Variants in SPAG16 observed in about 807,000 individuals in gnomAD.
The protein encoded by SPAG16 is sperm associated antigen 16, also known as sperm-associated antigen 16 protein.
SPAG16 carries 86 observed loss-of-function variants against 80.4 expected under a neutral mutation model. The ratio of observed to expected loss-of-function variants is 1.07; its 90% CI spans 0.90 to 1.28. The LOEUF is 1.28. Ranked by LOEUF, SPAG16 falls within the 50% of genes most tolerant of loss-of-function variation. The probability of loss-of-function intolerance (pLI) is 0.00; values close to 1 mark genes in which losing one functional copy is unlikely to be tolerated. For missense variants in SPAG16, 870 were observed against 765.3 expected (o/e 1.14, Z -1.61); for synonymous variants, 294 against 265.9 (o/e 1.11, Z -1.03).
At chr2:214,103,912 G>A (rs941066185) in intron 13 of SPAG16, among the ~76,000 whole-genome samples, 8 of 151,758 alleles carry the variant, frequency 5.3e-5, no homozygotes, top group African/African-American at 1.9e-4. Context: ...TCTTCCCTCT[G>A]GGGAGTGGGG....
chr2:213,960,079 CT>C (rs1422302101), intron 12 of SPAG16, among the ~76,000 whole-genome samples: 1 of 152,100 alleles, frequency 6.6e-6, no homozygotes, highest in Non-Finnish European at 1.5e-5. Flanking sequence ...TTTCTTCAAT[CT>C]TTTTCTATTT....
rs191342500 is a variant in SPAG16 at position 213,722,271 on chromosome 2, A to C, written c.1071-140214A>C. 2.0e-3 allele frequency among the ~76,000 whole-genome samples: 309 copies of C among 152,306 alleles called. 2 individuals carry two copies. The highest frequency in any genetic ancestry group is 6.8e-3 in the African/African-American group (284 of 41,572). ...TAGAGTGTAGAAATGAAAAACAGCTACTCAGAACAAAGTATCTCTTTTTCT... is the reference window on the plus strand; with the variant it reads ...TAGAGTGTAGAAATGAAAAACAGCTCCTCAGAACAAAGTATCTCTTTTTCT... On this transcript the variant is annotated intron_variant, in intron 10 of 15. Coordinates refer to ENST00000331683, the MANE Select transcript of SPAG16 (RefSeq NM_024532.5).
At chr2:213,300,656 A>C (rs2062703490) in intron 3 of SPAG16, among the ~76,000 whole-genome samples, 1 of 152,186 alleles carries the variant, frequency 6.6e-6, no homozygotes. Context: ...GTTTTGGAAA[A>C]TGTAGTTAGT....
At chr2:214,072,089 T>A (rs937288965) in intron 13 of SPAG16, among the ~76,000 whole-genome samples, 1 of 152,126 alleles carries the variant, frequency 6.6e-6, no homozygotes, top group African/African-American at 2.4e-5. Flanking sequence ...CTTTTTTTCT[T>A]GCTGCACTTT....
intron 10 of SPAG16, among the ~76,000 whole-genome samples, chr2:213,588,100 G>C (rs963429748): frequency 5.9e-5 from 9 of 151,944 alleles, no homozygotes; most frequent in African/African-American, 2.2e-4. Flanking sequence ...TTTTTAGTAT[G>C]GTTCCTATAT....
intron 10 of SPAG16, among the ~76,000 whole-genome samples, chr2:213,569,787 T>C (rs2059857499): frequency 7.9e-6 from 1 of 126,748 alleles, no homozygotes; most frequent in Admixed American, 7.6e-5. Context: ...TTTCTATTGA[T>C]TGGAATAGTT....
At chr2:213,520,455 G>A (rs1442594275) in intron 10 of SPAG16, among the ~76,000 whole-genome samples, 2 of 151,914 alleles carry the variant, frequency 1.3e-5, no homozygotes, top group Non-Finnish European at 2.9e-5. Flanking sequence ...TTCGCTGGGC[G>A]TGGTGGTGGG....
At chr2:214,180,170 A>G (rs541099887) in intron 15 of SPAG16, among the ~76,000 whole-genome samples, 8 of 151,600 alleles carry the variant, frequency 5.3e-5, no homozygotes, top group Admixed American at 1.3e-4. Context: ...GCAACTGGGG[A>G]GTAATTCAGA....
intron 12 of SPAG16, among the ~76,000 whole-genome samples, chr2:213,986,287 T>A (rs1272778084): frequency 6.6e-6 from 1 of 152,046 alleles, no homozygotes; most frequent in East Asian, 1.9e-4. Context: ...AAAGAACCCA[T>A]GAGTATGTAA....
chr2:214,008,713 C>T, intron 12 of SPAG16, among the ~76,000 whole-genome samples: 1 of 151,168 alleles, frequency 6.6e-6, no homozygotes, highest in Non-Finnish European at 1.5e-5. Context: ...CCACTGCACT[C>T]CAGCCTGGGC....
chr2:214,240,514 A>G (rs1264041082), intron 15 of SPAG16: 5 of 152,168 alleles, frequency 3.3e-5, no homozygotes, highest in African/African-American at 1.2e-4. Context: ...TTTCTAGTAT[A>G]CACAGCCACC....
intron 9 of SPAG16, among the ~76,000 whole-genome samples, chr2:213,454,380 G>T (rs1009309336): frequency 6.6e-6 from 1 of 152,006 alleles, no homozygotes; most frequent in African/African-American, 2.4e-5. Flanking sequence ...ATATTTGTGT[G>T]TTAGTCTATA....
rs1553615158 is a variant in SPAG16 at position 213,715,222 on chromosome 2, G to GTCTATCTATCCATCTATCTATCTATCTA, written c.1071-147253_1071-147252insCATCTATCTATCTATCTATCTATCTATC. Reference sequence around the variant, plus strand: ...AGATTCAAGTTAGGTAGATCTATCTGTCTATCTATCTATCTATCTATCTAT... The same window carrying GTCTATCTATCCATCTATCTATCTATCTA: ...AGATTCAAGTTAGGTAGATCTATCTGTCTATCTATCCATCTATCTATCTATCTATCTATCTATCTATCTATCTATCTAT... On this transcript the variant is annotated intron_variant, in intron 10 of 15. Coordinates refer to ENST00000331683, the MANE Select transcript of SPAG16 (RefSeq NM_024532.5). Among the ~76,000 whole-genome samples, 9 of 110,460 alleles carry GTCTATCTATCCATCTATCTATCTATCTA rather than the reference G, an allele frequency of 8.1e-5. 1 individual carries two copies. The highest frequency in any genetic ancestry group is 5.9e-4 in the South Asian group (2 of 3,416). The allele number at this position is 110,460 out of a possible 152,430, so 72.5% of individuals were successfully genotyped here.
intron 14 of SPAG16, among the ~76,000 whole-genome samples, chr2:214,125,981 C>A: frequency 6.9e-6 from 1 of 145,610 alleles, no homozygotes; most frequent in African/African-American, 2.5e-5. Context: ...TAAGGCCTGA[C>A]TTTCTTTTCC....
intron 14 of SPAG16, among the ~76,000 whole-genome samples, chr2:214,109,331 A>T (rs2053554620): frequency 6.6e-6 from 1 of 152,208 alleles, no homozygotes; most frequent in African/African-American, 2.4e-5. Context: ...CTGTTCTCAG[A>T]TGAAAGAGAT....
chr2:214,278,214 A>G (rs1049222412), intron 15 of SPAG16, among the ~76,000 whole-genome samples: 6 of 152,132 alleles, frequency 3.9e-5, no homozygotes, highest in Non-Finnish European at 7.4e-5. Flanking sequence ...TTCCAGGTAC[A>G]GTCTGTCATG....
At chr2:213,965,203 C>A (rs2044648945) in intron 12 of SPAG16, among the ~76,000 whole-genome samples, 1 of 152,114 alleles carries the variant, frequency 6.6e-6, no homozygotes, top group Non-Finnish European at 1.5e-5. Flanking sequence ...AGAGTGCAGT[C>A]CCCCTGACAA....
At chr2:213,662,911 A>C (rs1357695026) in intron 10 of SPAG16, among the ~76,000 whole-genome samples, 4 of 152,104 alleles carry the variant, frequency 2.6e-5, no homozygotes, top group African/African-American at 9.7e-5. Flanking sequence ...AAAAAATACG[A>C]TTCAATATTC....
intron 10 of SPAG16, among the ~76,000 whole-genome samples, chr2:213,836,040 G>A (rs1456361873): frequency 6.6e-6 from 1 of 152,098 alleles, no homozygotes; most frequent in Non-Finnish European, 1.5e-5. Context: ...TGGAAATTGA[G>A]TTACCCAGTG....
Sources: gnomAD v4.1 joint callset for allele counts (sites outside exome capture counted in the v4.1 genomes callset) on GRCh38, gnomAD v4.1.1 for gene constraint, MANE v1.5 for transcripts, NCBI Gene and HGNC (gene_info 2026-07-23, HGNC 2026-07-21) for gene names.